ATP5PB: variants seen among roughly 807,000 people sequenced by gnomAD.
ATP5PB encodes the protein ATP synthase peripheral stalk subunit b, mitochondrial.
ATP5PB carries 21 observed loss-of-function variants against 34.5 expected under a neutral mutation model. The ratio of observed to expected loss-of-function variants is 0.61; its 90% CI spans 0.43 to 0.88. The LOEUF (loss-of-function observed/expected upper bound fraction) is 0.88. ATP5PB is among the 40% of genes least tolerant of loss of function. ATP5PB has a pLI of 0.00. For synonymous variants in ATP5PB, 108 were observed against 114.1 expected (o/e 0.95, Z 0.34); for missense variants, 293 against 317.4 (o/e 0.92, Z 0.58).
chr1:111,454,438 T>TTTGTTGTTGTTGTTG, intron 3 of ATP5PB, 82 bp downstream of exon 3: 1 of 1,454,870 alleles, frequency 6.9e-7, no homozygotes, highest in Admixed American at 2.3e-5. Context: ...TTCTTTGGTT[T>TTTGTTGTTGTTGTTG]TTGTTGTTGT....
chr1:111,449,518 T>C lies in ATP5PB; in HGVS notation c.-24T>C. ...TATCGGGGTCACAGGGACGCTAAGA[T>C]TGCTACCTGGACTTTCGTTGACCAT... On this transcript the variant is annotated 5_prime_UTR_variant, in exon 1 of 7. Coordinates refer to ENST00000369722, the MANE Select transcript of ATP5PB (RefSeq NM_001688.5). 1 of 1,614,100 alleles carries C rather than the reference T, an allele frequency of 6.2e-7. No homozygotes were observed. Among genetic ancestry groups the C allele is most frequent in the East Asian group, 2.2e-5 (1 of 44,872 alleles).
At chr1:111,459,429 T>C in intron 5 of ATP5PB, 28 bp from the exon 6 acceptor site, 1 of 1,586,352 alleles carries the variant, frequency 6.3e-7, no homozygotes, top group African/African-American at 1.3e-5. Context: ...ATACAAACAA[T>C]ATTTATCATT....
At chr1:111,454,467 T>A in intron 3 of ATP5PB, 111 bp downstream of exon 3, 1 of 1,399,314 alleles carries the variant, frequency 7.1e-7, no homozygotes, top group Non-Finnish European at 9.6e-7. Flanking sequence ...TTGTTGTTGT[T>A]GTTTTTTGAG....
chr1:111,460,914 C>G lies in ATP5PB; in HGVS notation c.694-3C>G, dbSNP rs770769094. The G allele has an allele frequency of 6.2e-7, 1 of 1,613,012 alleles. No homozygotes were observed. The highest frequency in any genetic ancestry group is 2.2e-5 in the East Asian group (1 of 44,868). ...TAACCAGATTTCTCTTTCCTTATCACAGGAAAAGGAGACAATTGCCAAGTG... is the reference window on the plus strand; with the variant it reads ...TAACCAGATTTCTCTTTCCTTATCAGAGGAAAAGGAGACAATTGCCAAGTG... On this transcript the variant is annotated splice_region_variant and splice_polypyrimidine_tract_variant and intron_variant, in intron 6 of 6. Coordinates refer to ENST00000369722, the MANE Select transcript of ATP5PB (RefSeq NM_001688.5).
At chr1:111,456,298 A>AG in intron 4 of ATP5PB, 49 bp downstream of exon 4, 1 of 1,486,772 alleles carries the variant, frequency 6.7e-7, no homozygotes, top group South Asian at 1.4e-5. Flanking sequence ...AGAAACATGA[A>AG]GGTCATCTAG....
In ATP5PB at chr1:111,458,567, C is replaced by T. The variant is rs915232261; in HGVS notation, c.514-890C>T. Among the ~76,000 whole-genome samples the T allele has an allele frequency of 4.0e-5, 6 of 151,820 alleles. No individual in the cohort carries two copies. In the East Asian group the frequency reaches 5.8e-4, roughly 15 times the overall value. ...CCCATACAGCTGAAGTAGAATTGGT[C>T]GGGGGAGAATAAAAGGAGATAGAGG... On this transcript the variant is annotated intron_variant, in intron 5 of 6. Coordinates refer to ENST00000369722, the MANE Select transcript of ATP5PB (RefSeq NM_001688.5).
At chr1:111,451,471 A>G (rs928889250) in intron 2 of ATP5PB, among the ~76,000 whole-genome samples, 7 of 151,914 alleles carry the variant, frequency 4.6e-5, no homozygotes, top group African/African-American at 1.7e-4. Context: ...GGAGATACAC[A>G]CTCACCCTTC....
intron 5 of ATP5PB, among the ~76,000 whole-genome samples, chr1:111,458,079 A>G (rs928248009): frequency 6.6e-6 from 1 of 152,226 alleles, no homozygotes; most frequent in Admixed American, 6.5e-5. Context: ...AATATAGTGG[A>G]GAACAAAAAG....
intron 3 of ATP5PB, among the ~76,000 whole-genome samples, chr1:111,455,266 T>A (rs1309727016): frequency 1.3e-5 from 2 of 152,194 alleles, no homozygotes; most frequent in Non-Finnish European, 2.9e-5. Flanking sequence ...ATATGATAGA[T>A]GTTTCTTGCA....
At position 111,461,900 on chromosome 1, in the gene ATP5PB, A is replaced by AG. The variant is rs1215210376; in HGVS notation, c.*907dup. 3 of 133,102 alleles carry AG rather than the reference A, an allele frequency of 2.3e-5. No homozygotes were observed. Among genetic ancestry groups the AG allele is most frequent in the East Asian group, 4.6e-4 (2 of 4,380 alleles). The allele number at this position is 133,102 out of a possible 1,614,324, so 8.2% of individuals were successfully genotyped here. On this transcript the variant is annotated 3_prime_UTR_variant, in exon 7 of 7. Coordinates refer to ENST00000369722, the MANE Select transcript of ATP5PB (RefSeq NM_001688.5). The stretch of plus-strand genomic sequence containing the variant: ...TGGGCAACAGACCTCGACTCCATCT[A>AG]GAAAAAAAAAAAAAAAAATCCAGCA...
chr1:111,462,145 T>C lies in ATP5PB; in HGVS notation c.*1151T>C, dbSNP rs1332266871. On this transcript the variant is annotated 3_prime_UTR_variant, in exon 7 of 7. Coordinates refer to ENST00000369722, the MANE Select transcript of ATP5PB (RefSeq NM_001688.5). ...CAGGGTCTTGAAGAGATACTTGTGT[T>C]CCATGGTGATAGCAGCCATTGTTCA... 2 of 152,288 alleles carry C rather than the reference T, an allele frequency of 1.3e-5. No homozygotes were observed. Among genetic ancestry groups the C allele is most frequent in the Non-Finnish European group, 1.5e-5 (1 of 68,014 alleles). The allele number at this position is 152,288 out of a possible 1,614,324, so 9.4% of individuals were successfully genotyped here.
chr1:111,449,784 G>C, intron 1 of ATP5PB, 53 bp from the exon 2 acceptor site: 5 of 1,613,426 alleles, frequency 3.1e-6, no homozygotes, highest in Non-Finnish European at 4.2e-6. Context: ...GGTAAGGAAA[G>C]GGCAAACCAG....
intron 2 of ATP5PB, among the ~76,000 whole-genome samples, chr1:111,452,327 G>T (rs2101755061): frequency 6.6e-6 from 1 of 152,256 alleles, no homozygotes; most frequent in African/African-American, 2.4e-5. Flanking sequence ...CAGCACTTTG[G>T]GAGGCCGAGA....
chr1:111,455,312 A>T (rs1031249790), intron 3 of ATP5PB, among the ~76,000 whole-genome samples: 2 of 143,884 alleles, frequency 1.4e-5, no homozygotes, highest in Admixed American at 6.7e-5. Context: ...AAAGGCAGTT[A>T]AAAAAAACTG....
At chr1:111,456,546 C>T in intron 4 of ATP5PB, 84 bp from the exon 5 acceptor site, 1 of 1,504,754 alleles carries the variant, frequency 6.6e-7, no homozygotes, top group Non-Finnish European at 8.9e-7. Flanking sequence ...ATGAGATATA[C>T]AACTTTGAAG....
chr1:111,459,684 C>T, intron 6 of ATP5PB, 48 bp downstream of exon 6: 1 of 1,564,710 alleles, frequency 6.4e-7, no homozygotes. Context: ...TATCTCTTAA[C>T]AAGTATCTGC....
At chr1:111,454,692 C>G (rs777001303) in intron 3 of ATP5PB, among the ~76,000 whole-genome samples, 3 of 152,186 alleles carry the variant, frequency 2.0e-5, no homozygotes, top group Non-Finnish European at 4.4e-5. Flanking sequence ...ATCCACCCAT[C>G]TTGGCCTCCC....
intron 6 of ATP5PB, among the ~76,000 whole-genome samples, 165 bp from the exon 7 acceptor site, chr1:111,460,748 GTTAA>G (rs1374432570): frequency 4.6e-5 from 7 of 152,106 alleles, no homozygotes; most frequent in African/African-American, 1.7e-4. Context: ...TCTCCTCTGT[GTTAA>G]TTAATTTTAC....
At position 111,456,410 on chromosome 1, in the gene ATP5PB, T is replaced by C. The variant is rs970571716; in HGVS notation, c.387+161T>C. Among the ~76,000 whole-genome samples, 9 of 152,394 alleles carry C rather than the reference T, an allele frequency of 5.9e-5. No homozygotes were observed. In the South Asian group the frequency reaches 1.2e-3, roughly 21 times the overall value. On this transcript the variant is annotated intron_variant, in intron 4 of 6. Transcript: ENST00000369722. ...TTACTAATTTGAGATAATTTTTTTA[T>C]ATCTACTAAACACTTTAGCTTTTCT...
Sources: allele counts gnomAD v4.1 joint callset (sites outside exome capture counted in the v4.1 genomes callset), GRCh38; gene constraint gnomAD v4.1.1; transcripts MANE v1.5; gene names NCBI Gene and HGNC (gene_info 2026-07-23, HGNC 2026-07-21).